Variants in CYTH3 observed in about 807,000 individuals in gnomAD.
CYTH3 encodes cytohesin 3, also known as cytohesin-3.
Under a neutral mutation model 55.1 loss-of-function variants are expected in CYTH3, and 23 were observed. The observed-to-expected ratio is 0.42, with a 90% confidence interval of 0.30 to 0.59. The LOEUF is 0.59. CYTH3 is among the 20% of genes least tolerant of loss of function. CYTH3 has a pLI of 0.20. For synonymous variants in CYTH3, 249 were observed against 194.9 expected, an observed-to-expected ratio of 1.28 and a Z score of -2.31; for missense variants, 413 against 524.8, an observed-to-expected ratio of 0.79 and a Z score of 2.08.
intron 1 of CYTH3, among the ~76,000 whole-genome samples, chr7:6,216,762 T>TATACACACATACACATAC (rs2128550486): frequency 6.7e-6 from 1 of 148,980 alleles, no homozygotes; most frequent in South Asian, 2.1e-4. Context: ...TGTATGTGTA[T>TATACACACATACACATAC]ATACACACAT....
At chr7:6,259,746 A>ATATATATAT (rs1780234690) in intron 1 of CYTH3, among the ~76,000 whole-genome samples, 1 of 17,482 alleles carries the variant, frequency 5.7e-5, no homozygotes, top group African/African-American at 2.7e-4. Flanking sequence ...TATATATAAT[A>ATATATATAT]TATATATATA....
chr7:6,164,107 T>A lies in CYTH3; in HGVS notation c.*837A>T, dbSNP rs1260381457. 6.6e-6 allele frequency: 1 copy of A among 152,218 alleles called. No homozygotes were observed. Among genetic ancestry groups the A allele is most frequent in the African/African-American group, 2.4e-5 (1 of 41,350 alleles). 9.4% of individuals were successfully genotyped at this position (152,218 alleles called of 1,614,324 possible). A position where few individuals can be genotyped will look rare whatever the true frequency, so the allele number is the denominator to read the frequency against. ...TATTTGTGGGGCCAAAAAGCCTGGT[T>A]GAAGGGAGGCCTCATGGGAGTCACC... On this transcript the variant is annotated 3_prime_UTR_variant, in exon 13 of 13. Transcript: ENST00000350796.
At chr7:6,246,645 G>T (rs1779827093) in intron 1 of CYTH3, among the ~76,000 whole-genome samples, 1 of 151,862 alleles carries the variant, frequency 6.6e-6, no homozygotes. Flanking sequence ...ATAAAGGCTG[G>T]GCTTTTACTT....
At position 6,247,487 on chromosome 7, in the gene CYTH3, T is replaced by C. The variant is rs978214457; in HGVS notation, c.34+24987A>G. 1.1e-4 allele frequency among the ~76,000 whole-genome samples: 17 copies of C among 152,340 alleles called. No homozygotes were observed. The South Asian group carries it at 3.3e-3, about 30-fold the overall frequency. ...GATTATTGTTTCTGTTCTATTTGTT[T>C]TGGTATCTTCTTTACGAACAACATT... On this transcript the variant is annotated intron_variant, in intron 1 of 12. Coordinates refer to ENST00000350796, the MANE Select transcript of CYTH3 (RefSeq NM_004227.4).
chr7:6,228,019 C>T (rs1779297234), intron 1 of CYTH3, among the ~76,000 whole-genome samples: 1 of 152,196 alleles, frequency 6.6e-6, no homozygotes, highest in African/African-American at 2.4e-5. Context: ...CTGACTCATT[C>T]TCCTATTTAA....
At chr7:6,242,428 G>A (rs774257708) in intron 1 of CYTH3, among the ~76,000 whole-genome samples, 1 of 144,484 alleles carries the variant, frequency 6.9e-6, no homozygotes, top group African/African-American at 2.6e-5. Context: ...CCAGGCTGGA[G>A]TGCAGTGGCA....
chr7:6,173,844 T>C, intron 5 of CYTH3, 111 bp from the exon 6 acceptor site: 3 of 702,950 alleles, frequency 4.3e-6, no homozygotes, highest in South Asian at 1.6e-5. Flanking sequence ...AGTTTCTGCA[T>C]GGCCATGCTT....
At chr7:6,205,512 C>T (rs1339074709) in intron 1 of CYTH3, among the ~76,000 whole-genome samples, 3 of 150,770 alleles carry the variant, frequency 2.0e-5, no homozygotes, top group Middle Eastern at 3.5e-3. Context: ...AGGTAGAAGT[C>T]GCACTGAGCC....
chr7:6,165,496 T>TG, intron 11 of CYTH3, 49 bp downstream of exon 11: 1 of 1,610,012 alleles, frequency 6.2e-7, no homozygotes, highest in Non-Finnish European at 8.5e-7. Flanking sequence ...GCAGTGAGGA[T>TG]GGCTCCCAGG....
Position 6,171,268 on chromosome 7 carries a change from C to G in CYTH3, c.496G>C (p.Asp166His). 6.2e-7 allele frequency: 1 copy of G among 1,614,194 alleles called. No homozygotes were observed. Among genetic ancestry groups the G allele is most frequent in the East Asian group, 2.2e-5 (1 of 44,872 alleles). Residue 166 changes from aspartate to histidine, a missense_variant, in exon 7 of 13, where the codon GAT becomes CAT. Transcript: ENST00000350796. This position sits in a 1 kb window ranked among gnomAD's most constrained non-coding sequence, Gnocchi z 6.7. ...FRLPGEAQKIDRMMEAFASRY... is the reference protein window; with the variant it reads ...FRLPGEAQKIHRMMEAFASRY... ...GAAGCGAAAGCCTCCATCATGCGAT[C>G]AATCTTCTGCGCCTCCCCGGGCAGC...
At chr7:6,178,066 C>T in intron 4 of CYTH3, 125 bp from the exon 5 acceptor site, 1 of 677,748 alleles carries the variant, frequency 1.5e-6, no homozygotes, top group South Asian at 1.9e-5. Flanking sequence ...ACCAGAGACA[C>T]CCATACAACT....
intron 1 of CYTH3, among the ~76,000 whole-genome samples, chr7:6,251,382 A>T (rs566057610): frequency 2.0e-4 from 30 of 149,056 alleles, no homozygotes; most frequent in Non-Finnish European, 3.4e-4. Flanking sequence ...GAAGGAGGGG[A>T]GACATGTAGG....
At chr7:6,229,105 G>T (rs1039333094) in intron 1 of CYTH3, among the ~76,000 whole-genome samples, 1 of 152,136 alleles carries the variant, frequency 6.6e-6, no homozygotes, top group Non-Finnish European at 1.5e-5. Flanking sequence ...TGGAACAGAA[G>T]TAAAACCTGA....
At chr7:6,178,052 T>G in intron 4 of CYTH3, 111 bp from the exon 5 acceptor site, 3 of 769,688 alleles carry the variant, frequency 3.9e-6, no homozygotes, top group Non-Finnish European at 6.6e-6. Flanking sequence ...ACAGCAAAAA[T>G]AATACCAGAG....
intron 1 of CYTH3, among the ~76,000 whole-genome samples, chr7:6,265,254 G>C (rs1344211305): frequency 1.3e-5 from 2 of 149,934 alleles, no homozygotes; most frequent in African/African-American, 5.0e-5. Context: ...AAAAAAAAAA[G>C]ACTTGTGACA....
chr7:6,256,701 A>C (rs1780134315), intron 1 of CYTH3, among the ~76,000 whole-genome samples: 1 of 152,220 alleles, frequency 6.6e-6, no homozygotes, highest in Non-Finnish European at 1.5e-5. Context: ...GAAATAGCTT[A>C]TGTTCTTTCC....
At chr7:6,238,447 G>C (rs879916786) in intron 1 of CYTH3, among the ~76,000 whole-genome samples, 43 of 152,258 alleles carry the variant, frequency 2.8e-4, no homozygotes, top group Admixed American at 2.2e-3. Flanking sequence ...AAAGACTAAT[G>C]AAAGTACTAT....
chr7:6,170,406 A>C lies in CYTH3; in HGVS notation c.823+129T>G. 1.2e-6 allele frequency: 1 copy of C among 841,490 alleles called. No individual in the cohort carries two copies. Among genetic ancestry groups the C allele is most frequent in the Non-Finnish European group, 1.8e-6 (1 of 552,054 alleles). 52.1% of individuals were successfully genotyped at this position (841,490 alleles called of 1,614,324 possible). On this transcript the variant is annotated intron_variant, in intron 9 of 12. Transcript: ENST00000350796. The surrounding 1 kb of genome is among the most constrained non-coding windows in gnomAD (Gnocchi z 7.8). ...AGCTACCGAGAGCGGGCTCTGGCTT[A>C]ACCGCGTTTCTTTTTAACGTCTCTG...
chr7:6,216,302 C>G (rs1469431673), intron 1 of CYTH3, among the ~76,000 whole-genome samples: 1 of 152,016 alleles, frequency 6.6e-6, no homozygotes, highest in African/African-American at 2.4e-5. Flanking sequence ...TTCTACATTT[C>G]ATTTGAACTG....
Sources: allele counts gnomAD v4.1 joint callset (sites outside exome capture counted in the v4.1 genomes callset), GRCh38; gene constraint gnomAD v4.1.1; non-coding constraint Gnocchi (gnomAD v3.1); transcripts MANE v1.5; gene names NCBI Gene and HGNC (gene_info 2026-07-23, HGNC 2026-07-21).